The following SPMAP1 variants were observed in gnomAD, a reference collection of about 807,000 sequenced individuals.
SPMAP1 encodes the protein uncharacterized protein C17orf98.
the SPMAP1 span, among the ~76,000 whole-genome samples, chr17:38,835,644 T>C: frequency 6.6e-6 from 1 of 152,208 alleles, no homozygotes; most frequent in Non-Finnish European, 1.5e-5. Context: ...AAGCTTGCCT[T>C]TCTCCCACAA....
the SPMAP1 span, among the ~76,000 whole-genome samples, chr17:38,836,581 C>CTT: frequency 1.0e-5 from 1 of 97,400 alleles, no homozygotes; most frequent in Admixed American, 1.2e-4. Context: ...TTCTTTCTTT[C>CTT]TTTCTTTTTT....
the SPMAP1 span, among the ~76,000 whole-genome samples, chr17:38,837,481 A>T: frequency 1.8e-4 from 27 of 152,306 alleles, no homozygotes; most frequent in Middle Eastern, 3.4e-3. Flanking sequence ...GTTCGAGACC[A>T]GCCTTGCCAA....
chr17:38,835,818 T>C, the SPMAP1 span, among the ~76,000 whole-genome samples: 1 of 152,170 alleles, frequency 6.6e-6, no homozygotes, highest in Non-Finnish European at 1.5e-5. Context: ...AAAATATCTC[T>C]CAACTCTTTC....
chr17:38,839,463 G>C, the SPMAP1 span, among the ~76,000 whole-genome samples: 1 of 89,506 alleles, frequency 1.1e-5, no homozygotes, highest in Non-Finnish European at 2.4e-5. Context: ...ACAAGACCCT[G>C]TCTCAAAAAA....
the SPMAP1 span, among the ~76,000 whole-genome samples, chr17:38,837,798 C>T: frequency 3.3e-5 from 5 of 152,144 alleles, no homozygotes; most frequent in Admixed American, 6.6e-5. Context: ...TGGGTTCTAA[C>T]TCCAGCTCAA....
At chr17:38,835,264 G>T in the SPMAP1 span, 1 of 1,614,058 alleles carries the variant, frequency 6.2e-7, no homozygotes, top group African/African-American at 1.3e-5. Context: ...TCCTGCGGTA[G>T]CCAAACCTTC....
chr17:38,835,291 C>T, the SPMAP1 span: 5 of 1,614,102 alleles, frequency 3.1e-6, no homozygotes, highest in Middle Eastern at 1.6e-4. Context: ...ACCCATCGAT[C>T]GGTTTCAGAT....
the SPMAP1 span, chr17:38,837,319 G>C: frequency 2.2e-6 from 2 of 916,086 alleles, no homozygotes; most frequent in Non-Finnish European, 1.8e-6. Flanking sequence ...ACTGCCCTGG[G>C]GTTTGCTGTG....
the SPMAP1 span, among the ~76,000 whole-genome samples, chr17:38,839,038 A>G: frequency 7.2e-6 from 1 of 138,754 alleles, no homozygotes. Flanking sequence ...GTGAGCTGAG[A>G]TGACGCCACT....
the SPMAP1 span, among the ~76,000 whole-genome samples, chr17:38,836,349 C>T: frequency 6.6e-6 from 1 of 152,010 alleles, no homozygotes; most frequent in African/African-American, 2.4e-5. Flanking sequence ...GTCTGTAATG[C>T]CAGCACTTTG....
the SPMAP1 span, chr17:38,841,314 C>A: frequency 3.7e-6 from 6 of 1,614,070 alleles, no homozygotes; most frequent in East Asian, 1.3e-4. Flanking sequence ...TAAGCGCGGG[C>A]AGCGGTGCTC....
chr17:38,841,238 G>A, the SPMAP1 span: 1 of 1,614,052 alleles, frequency 6.2e-7, no homozygotes, highest in Admixed American at 1.7e-5. Flanking sequence ...GTAGCTGCGG[G>A]CGTGGTAGTC....
chr17:38,840,601 C>G, the SPMAP1 span, among the ~76,000 whole-genome samples: 7 of 102,752 alleles, frequency 6.8e-5, no homozygotes, highest in Non-Finnish European at 1.8e-5. Context: ...GGTAACATGG[C>G]GAGACCCCCT....
chr17:38,841,053 A>G, the SPMAP1 span: 4 of 620,950 alleles, frequency 6.4e-6, no homozygotes, highest in South Asian at 8.8e-5. Flanking sequence ...AAATAATAAT[A>G]ATAAATAAAA....
At chr17:38,835,263 A>G in the SPMAP1 span, 1 of 1,614,088 alleles carries the variant, frequency 6.2e-7, no homozygotes, top group Admixed American at 1.7e-5. Flanking sequence ...TTCCTGCGGT[A>G]GCCAAACCTT....
At chr17:38,841,374 C>G in the SPMAP1 span, 4 of 1,614,036 alleles carry the variant, frequency 2.5e-6, no homozygotes, top group Non-Finnish European at 3.4e-6. Flanking sequence ...AGGCGACACT[C>G]GCTCAGGTAC....
At chr17:38,841,235 C>A in the SPMAP1 span, 1 of 1,614,176 alleles carries the variant, frequency 6.2e-7, no homozygotes, top group Non-Finnish European at 8.5e-7. Flanking sequence ...GAAGTAGCTG[C>A]GGGCGTGGTA....
chr17:38,837,963 A>G, the SPMAP1 span, among the ~76,000 whole-genome samples: 2 of 152,204 alleles, frequency 1.3e-5, no homozygotes, highest in East Asian at 3.9e-4. Context: ...ATCTCGGCTC[A>G]CTGCAACCTC....
At chr17:38,837,043 A>G in the SPMAP1 span, 1 of 821,898 alleles carries the variant, frequency 1.2e-6, no homozygotes, top group Non-Finnish European at 2.1e-6. Context: ...TATGTGAAGA[A>G]AAGCTGGAAG....
Sources: gnomAD v4.1 joint callset for allele counts (sites outside exome capture counted in the v4.1 genomes callset) on GRCh38, gnomAD v4.1.1 for gene constraint, MANE v1.5 for transcripts, NCBI Gene and HGNC (gene_info 2026-07-23, HGNC 2026-07-21) for gene names.